RTN1: variants seen among roughly 807,000 people sequenced by gnomAD.
RTN1 encodes the protein reticulon 1.
Under a neutral mutation model 65.5 loss-of-function variants are expected in RTN1, and 25 were observed. The ratio of observed to expected loss-of-function variants is 0.38; its 90% CI spans 0.28 to 0.53. RTN1 has a LOEUF of 0.53. Ranked by LOEUF, RTN1 falls within the 20% of genes least tolerant of loss-of-function variation. RTN1 has a pLI of 0.79. For synonymous variants in RTN1, 471 were observed against 447.6 expected (o/e 1.05, Z -0.66); for missense variants, 983 against 1,025.4 (o/e 0.96, Z 0.57).
chr14:59,864,096 A>C (rs541455779), intron 1 of RTN1, among the ~76,000 whole-genome samples: 4 of 152,282 alleles, frequency 2.6e-5, no homozygotes, highest in African/African-American at 7.2e-5. Flanking sequence ...TGAACTCTAA[A>C]TATGTTCCTT....
Position 59,870,371 on chromosome 14 carries a change from G to A in RTN1, c.241+19C>T. On this transcript the variant is annotated intron_variant, in intron 1 of 8. Coordinates refer to ENST00000267484, the MANE Select transcript of RTN1 (RefSeq NM_021136.3). This position sits in a 1 kb window ranked among gnomAD's most constrained non-coding sequence, Gnocchi z 5.1. ...CCTGGTCCCCGACGCCATTTGAGGG[G>A]CAGCGGCGCCCGCCTTACCTGTGGA... 3 of 1,492,002 alleles carry A rather than the reference G, an allele frequency of 2.0e-6. No homozygotes were observed. 92.4% of individuals were successfully genotyped at this position (1,492,002 alleles called of 1,614,324 possible).
Position 59,790,956 on chromosome 14 carries a change from C to T in RTN1, c.242-44475G>A, listed in dbSNP as rs1176958891. Among the ~76,000 whole-genome samples, 2 of 152,126 alleles carry T rather than the reference C, an allele frequency of 1.3e-5. No homozygotes were observed. Among genetic ancestry groups the T allele is most frequent in the African/African-American group, 4.8e-5 (2 of 41,428 alleles). On this transcript the variant is annotated intron_variant, in intron 1 of 8. Transcript: ENST00000267484. This position sits in a 1 kb window ranked among gnomAD's most constrained non-coding sequence, Gnocchi z 4.1. ...CCTATCTATTTCTAATTATTTATTA[C>T]TTTGGTAGCAATATCATTTTGGCCC... is the stretch of plus-strand genomic sequence containing the variant.
At chr14:59,750,329 AATATATTAT>A (rs1885457295) in intron 1 of RTN1, among the ~76,000 whole-genome samples, 1 of 13,686 alleles carries the variant, frequency 7.3e-5, no homozygotes, top group South Asian at 3.0e-3. Context: ...TATAATATAT[AATATATTAT>A]ATCTATAATA....
chr14:59,744,319 C>A lies in RTN1; in HGVS notation c.1015+1389G>T, dbSNP rs545066265. ...CCAGGGGCAGGGGAAGGTTTGAGGA[C>A]CTCTCACTGTCCTCTTCATCTCGAT... On this transcript the variant is annotated intron_variant, in intron 2 of 8. Coordinates refer to ENST00000267484, the MANE Select transcript of RTN1 (RefSeq NM_021136.3). 2.0e-5 allele frequency among the ~76,000 whole-genome samples: 3 copies of A among 152,260 alleles called. No homozygotes were observed. The East Asian group carries it at 5.8e-4, about 29-fold the overall frequency.
intron 1 of RTN1, among the ~76,000 whole-genome samples, chr14:59,785,354 C>T (rs1050574897): frequency 1.3e-5 from 2 of 152,164 alleles, no homozygotes; most frequent in Admixed American, 1.3e-4. Context: ...TCACATTTTG[C>T]ATTATATGAG....
At chr14:59,625,583 T>G (rs929127316) in intron 3 of RTN1, among the ~76,000 whole-genome samples, 2 of 152,230 alleles carry the variant, frequency 1.3e-5, no homozygotes, top group African/African-American at 4.8e-5. Flanking sequence ...AACACTGTTT[T>G]TGTTGCCTAC....
chr14:59,695,090 AG>A (rs985576072), intron 3 of RTN1, among the ~76,000 whole-genome samples: 4 of 152,144 alleles, frequency 2.6e-5, no homozygotes, highest in African/African-American at 9.7e-5. Flanking sequence ...ATCCTCCTTC[AG>A]GGTGGAGAAA....
At chr14:59,763,221 A>G (rs764057149) in intron 1 of RTN1, among the ~76,000 whole-genome samples, 19 of 152,230 alleles carry the variant, frequency 1.2e-4, no homozygotes, top group Non-Finnish European at 2.2e-4. Flanking sequence ...AGAGGTACCC[A>G]TACAAATCAA....
chr14:59,626,627 A>G (rs1375218624), intron 3 of RTN1, among the ~76,000 whole-genome samples: 1 of 152,216 alleles, frequency 6.6e-6, no homozygotes, highest in Non-Finnish European at 1.5e-5. Context: ...CGAAGTGTTA[A>G]AAGAATAGGC....
At chr14:59,652,389 G>A (rs939217857) in intron 3 of RTN1, among the ~76,000 whole-genome samples, 5 of 152,062 alleles carry the variant, frequency 3.3e-5, no homozygotes, top group Non-Finnish European at 7.4e-5. Context: ...CTGTGTTCAC[G>A]GCAGCACTAT....
chr14:59,668,734 A>G lies in RTN1; in HGVS notation c.1765+58185T>C, dbSNP rs568343616. On this transcript the variant is annotated intron_variant, in intron 3 of 8. Coordinates refer to ENST00000267484, the MANE Select transcript of RTN1 (RefSeq NM_021136.3). ...CAAAGGGCTAATATCCAGAATCTACAAAGAATTCAAACAAATTTACAAGAA... is the reference window on the plus strand; with the variant it reads ...CAAAGGGCTAATATCCAGAATCTACGAAGAATTCAAACAAATTTACAAGAA... 1.7e-3 allele frequency among the ~76,000 whole-genome samples: 257 copies of G among 152,368 alleles called. 2 individuals are homozygous for G. Among genetic ancestry groups the G allele is most frequent in the Middle Eastern group, 0.01 (3 of 294 alleles).
intron 3 of RTN1, among the ~76,000 whole-genome samples, chr14:59,713,993 T>G (rs993542929): frequency 6.6e-6 from 1 of 152,098 alleles, no homozygotes; most frequent in Non-Finnish European, 1.5e-5. Context: ...CCCAGCACCT[T>G]GGGAGGCCGA....
rs553701976 is a variant in RTN1, at chr14:59,680,583, C to T, written c.1765+46336G>A. 2.6e-5 allele frequency among the ~76,000 whole-genome samples: 4 copies of T among 152,218 alleles called. No individual in the cohort carries two copies. In the South Asian group the frequency reaches 8.3e-4, roughly 32 times the overall value. Reference sequence around the variant, plus strand: ...TATTATTTAGTGTGTCCAGGCATTGCCACATAAAGCTGATGGAAGTATACA... The same window carrying T: ...TATTATTTAGTGTGTCCAGGCATTGTCACATAAAGCTGATGGAAGTATACA... On this transcript the variant is annotated intron_variant, in intron 3 of 8. Transcript: ENST00000267484.
chr14:59,723,769 C>A (rs1169372172), intron 3 of RTN1, among the ~76,000 whole-genome samples: 1 of 152,224 alleles, frequency 6.6e-6, no homozygotes, highest in African/African-American at 2.4e-5. Flanking sequence ...CTAACAACCT[C>A]CCACATAATA....
In RTN1 at chr14:59,736,526, A is replaced by G. The variant is rs144653418; in HGVS notation, c.1016-8858T>C. On this transcript the variant is annotated intron_variant, in intron 2 of 8. Transcript: ENST00000267484. Reference sequence around the variant, plus strand: ...AATAACAAGTTCTGAAATTGAGACAACAATAAATAGCCTACCAACCAAACA... The same window carrying G: ...AATAACAAGTTCTGAAATTGAGACAGCAATAAATAGCCTACCAACCAAACA... Among the ~76,000 whole-genome samples, 431 of 152,284 alleles carry G rather than the reference A, an allele frequency of 2.8e-3. 1 individual carries two copies. Among genetic ancestry groups the G allele is most frequent in the African/African-American group, 0.01 (419 of 41,568 alleles).
chr14:59,726,556 CCT>C (rs1884764326), intron 3 of RTN1, among the ~76,000 whole-genome samples: 1 of 152,190 alleles, frequency 6.6e-6, no homozygotes, highest in Non-Finnish European at 1.5e-5. Flanking sequence ...TGGACCAGAG[CCT>C]GGACAATAAC....
At position 59,607,401 on chromosome 14, in the gene RTN1, G is replaced by A. The variant is rs764112279; in HGVS notation, c.1857C>T (p.Ser619=). 37 of 1,613,870 alleles carry A rather than the reference G, an allele frequency of 2.3e-5. No homozygotes were observed. The Admixed American group carries it at 2.7e-4, about 12-fold the overall frequency. Reference sequence around the variant, plus strand: ...CCAGGTAGGCCACGACGCTCACCACGCTGAACTGGGTCAGGGAGAAGAGCA... The same window carrying A: ...CCAGGTAGGCCACGACGCTCACCACACTGAACTGGGTCAGGGAGAAGAGCA... ...LLLLFSLTQF[S]VVSVVAYLAL... The change falls in exon 4 of 9, where the codon AGC becomes AGT. Residue 619 remains serine, a synonymous_variant. Transcript: ENST00000267484.
intron 3 of RTN1, among the ~76,000 whole-genome samples, chr14:59,690,141 A>G (rs1477181105): frequency 6.6e-6 from 1 of 152,054 alleles, no homozygotes; most frequent in South Asian, 2.1e-4. Context: ...CAAATGCCCT[A>G]AACACCTCAC....
chr14:59,752,610 A>G (rs768666608), intron 1 of RTN1, among the ~76,000 whole-genome samples: 2 of 152,134 alleles, frequency 1.3e-5, no homozygotes. Context: ...CTCATGTAGC[A>G]TGTATGACAT....
Sources: allele counts gnomAD v4.1 joint callset (sites outside exome capture counted in the v4.1 genomes callset), GRCh38; gene constraint gnomAD v4.1.1; non-coding constraint Gnocchi (gnomAD v3.1); transcripts MANE v1.5; gene names NCBI Gene and HGNC (gene_info 2026-07-23, HGNC 2026-07-21).